TRIO: variants seen among roughly 807,000 people sequenced by gnomAD.
TRIO encodes the protein trio Rho guanine nucleotide exchange factor, also known as triple functional domain protein.
TRIO carries 58 observed loss-of-function variants against 351.9 expected under a neutral mutation model. That is an observed-to-expected ratio of 0.16 (90% CI 0.13 to 0.21). TRIO has a LOEUF of 0.21. Among genes scored for constraint, TRIO ranks in the 10% least tolerant of loss-of-function variants. The probability of loss-of-function intolerance (pLI) is 1.00; values close to 1 mark genes in which losing one functional copy is unlikely to be tolerated. For missense variants in TRIO, 3,201 were observed against 4,027.8 expected, an observed-to-expected ratio of 0.79 and a Z score of 5.56; for synonymous variants, 1,758 against 1,595.7, an observed-to-expected ratio of 1.10 and a Z score of -2.42.
chr5:14,317,129 G>C (rs944463605), intron 9 of TRIO, among the ~76,000 whole-genome samples: 1 of 152,186 alleles, frequency 6.6e-6, no homozygotes, highest in African/African-American at 2.4e-5. Context: ...CACTTCCCAC[G>C]TGGTAGGTAG....
intron 10 of TRIO, among the ~76,000 whole-genome samples, chr5:14,336,041 A>G (rs1741379024): frequency 6.6e-6 from 1 of 152,224 alleles, no homozygotes; most frequent in African/African-American, 2.4e-5. Context: ...ATTACCAACA[A>G]GTAGAAATGT....
At chr5:14,196,236 A>G (rs1339720064) in intron 1 of TRIO, among the ~76,000 whole-genome samples, 1 of 152,108 alleles carries the variant, frequency 6.6e-6, no homozygotes, top group East Asian at 1.9e-4. Flanking sequence ...GGCCTGGCCA[A>G]CATGGTGAAA....
At chr5:14,392,760 G>T (rs1747205292) in intron 27 of TRIO, among the ~76,000 whole-genome samples, 1 of 152,194 alleles carries the variant, frequency 6.6e-6, no homozygotes, top group Non-Finnish European at 1.5e-5. Context: ...AAAAGGATGA[G>T]TTTGGGCCGG....
rs139065986 is a variant in TRIO, at chr5:14,151,716, T to C, written c.157+7834T>C. ...TGTTTATTCATTTTGCTTTGCTTCC[T>C]CTTGCATTGACCCATCCACTTTTTC... On this transcript the variant is annotated intron_variant, in intron 1 of 56. Transcript: ENST00000344204. 9.6e-3 allele frequency among the ~76,000 whole-genome samples: 1,468 copies of C among 152,352 alleles called. 27 individuals are homozygous for C. Among genetic ancestry groups the C allele is most frequent in the African/African-American group, 0.034 (1,414 of 41,580 alleles).
intron 33 of TRIO, among the ~76,000 whole-genome samples, chr5:14,409,813 C>T (rs909858702): frequency 2.2e-4 from 31 of 143,820 alleles, no homozygotes; most frequent in Non-Finnish European, 3.7e-4. Context: ...CCCACCTGGG[C>T]GACAGAGCGA....
At chr5:14,500,782 G>A (rs1422618839) in intron 53 of TRIO, among the ~76,000 whole-genome samples, 1 of 151,744 alleles carries the variant, frequency 6.6e-6, no homozygotes, top group African/African-American at 2.4e-5. Context: ...CAACTACTCT[G>A]GAGGCTGAGG....
chr5:14,249,522 G>T (rs1794621914), intron 1 of TRIO, among the ~76,000 whole-genome samples: 1 of 152,196 alleles, frequency 6.6e-6, no homozygotes, highest in Non-Finnish European at 1.5e-5. Flanking sequence ...TCCTTTATGT[G>T]AGTTTAATTT....
At chr5:14,199,195 CAAAAAA>C (rs58856067) in intron 1 of TRIO, among the ~76,000 whole-genome samples, 14 of 74,252 alleles carry the variant, frequency 1.9e-4, no homozygotes, top group East Asian at 5.9e-4. Context: ...GAGTGGGACT[CAAAAAA>C]AAAAAAAAAA....
chr5:14,152,435 A>G (rs1036166411), intron 1 of TRIO, among the ~76,000 whole-genome samples: 7 of 152,196 alleles, frequency 4.6e-5, no homozygotes, highest in Non-Finnish European at 7.4e-5. Context: ...CAATGGCGCA[A>G]TCTTGGCTCA....
intron 12 of TRIO, 132 bp downstream of exon 12, chr5:14,358,479 A>G: frequency 9.8e-7 from 1 of 1,017,166 alleles, no homozygotes. Flanking sequence ...AGTGTCTGTG[A>G]AGGCAAAGGA....
intron 34 of TRIO, among the ~76,000 whole-genome samples, chr5:14,447,964 A>C (rs1412641189): frequency 6.6e-6 from 1 of 152,214 alleles, no homozygotes; most frequent in Non-Finnish European, 1.5e-5. Context: ...ATGGTTGTCT[A>C]TTCAGGACAA....
rs138021321 is a variant in TRIO, at chr5:14,254,338, A to G, written c.158-16487A>G. Among the ~76,000 whole-genome samples the G allele has an allele frequency of 3.6e-3, 554 of 152,166 alleles. 3 individuals are homozygous for G. Among genetic ancestry groups the G allele is most frequent in the African/African-American group, 0.013 (531 of 41,520 alleles). On this transcript the variant is annotated intron_variant, in intron 1 of 56. Coordinates refer to ENST00000344204, the MANE Select transcript of TRIO (RefSeq NM_007118.4). ...AGCTGGGATTACAGGCGCCCGGCTAATTTTTGTATTTTTAGTAGAGACGGG... is the reference window on the plus strand; with the variant it reads ...AGCTGGGATTACAGGCGCCCGGCTAGTTTTTGTATTTTTAGTAGAGACGGG...
rs1741450349 is a variant in TRIO at position 14,336,719 on chromosome 5, G to A, written c.2038G>A (p.Val680Met). 6.2e-7 allele frequency: 1 copy of A among 1,614,078 alleles called. No individual in the cohort carries two copies. The highest frequency in any genetic ancestry group is 1.3e-5 in the African/African-American group (1 of 74,934). ...LDMSVSFHTHVKELWTWLEEL... is the reference protein window; with the variant it reads ...LDMSVSFHTHMKELWTWLEEL... The stretch of plus-strand genomic sequence containing the variant: ...CATGTCAGTGTCCTTTCACACCCAT[G>A]TGAAAGAGGTAAGGTGCCAGGAGAC... The change falls in exon 11 of 57, where the codon GTG becomes ATG. Residue 680 changes from valine (V) to methionine (M), a missense_variant. Physicochemically the swap from Val to Met is conservative, Grantham distance 21. Transcript: ENST00000344204.
intron 27 of TRIO, among the ~76,000 whole-genome samples, chr5:14,391,897 A>G (rs1487377197): frequency 6.6e-6 from 1 of 152,214 alleles, no homozygotes; most frequent in African/African-American, 2.4e-5. Context: ...ATTACACATT[A>G]CACATCACTG....
intron 1 of TRIO, among the ~76,000 whole-genome samples, chr5:14,186,703 A>G (rs910456582): frequency 2.0e-5 from 3 of 151,596 alleles, no homozygotes; most frequent in Non-Finnish European, 4.4e-5. Flanking sequence ...TCAGCCTCCT[A>G]AGTAGTTGGG....
rs774118734 is a variant in TRIO at position 14,389,339 on chromosome 5, T to C, written c.3999T>C (p.Ile1333=). The change falls in exon 25 of 57, where the codon ATT becomes ATC. Residue 1333 remains isoleucine, a synonymous_variant. Coordinates refer to ENST00000344204, the MANE Select transcript of TRIO (RefSeq NM_007118.4). ...GCGTGGAAGAGATTCCACCTGGCAT[T>C]GTAAACAAAGAACTCATCATCTTCG... The part of the protein sequence containing the change: ...TSGVEEIPPG[I]VNKELIIFGN... 26 of 1,613,132 alleles carry C rather than the reference T, an allele frequency of 1.6e-5. No homozygotes were observed. The highest frequency in any genetic ancestry group is 1.9e-5 in the Non-Finnish European group (23 of 1,179,704).
chr5:14,346,023 G>C (rs1742384968), intron 11 of TRIO, among the ~76,000 whole-genome samples: 1 of 152,132 alleles, frequency 6.6e-6, no homozygotes, highest in South Asian at 2.1e-4. Flanking sequence ...ACTGATCTTC[G>C]TTGTTCTTAT....
chr5:14,318,732 G>C (rs1407049522), intron 9 of TRIO, among the ~76,000 whole-genome samples: 1 of 152,156 alleles, frequency 6.6e-6, no homozygotes, highest in Non-Finnish European at 1.5e-5. Flanking sequence ...ATGAATAATC[G>C]TGTTTTTGAA....
At chr5:14,151,854 T>TCTTTTTAAGTTG (rs1212430195) in intron 1 of TRIO, among the ~76,000 whole-genome samples, 1 of 152,232 alleles carries the variant, frequency 6.6e-6, no homozygotes. Context: ...TTATTTGTGT[T>TCTTTTTAAGTTG]TACTTTTTAA....
Sources: gnomAD v4.1 joint callset for allele counts (sites outside exome capture counted in the v4.1 genomes callset) on GRCh38, gnomAD v4.1.1 for gene constraint, MANE v1.5 for transcripts, NCBI Gene and HGNC (gene_info 2026-07-23, HGNC 2026-07-21) for gene names.